Variants in AKR1C3 observed in about 807,000 individuals in gnomAD.
The protein encoded by AKR1C3 is aldo-keto reductase family 1 member C3.
Under a neutral mutation model 43.6 loss-of-function variants are expected in AKR1C3, and 48 were observed. The observed-to-expected ratio is 1.10, with a 90% CI of 0.87 to 1.40. The LOEUF is 1.40. AKR1C3 is among the 40% of genes most tolerant of loss of function. AKR1C3 has a pLI of 0.00. For missense variants in AKR1C3, 482 were observed against 391.2 expected (o/e 1.23, Z -1.96); for synonymous variants, 162 against 139.6 (o/e 1.16, Z -1.13).
intron 1 of AKR1C3, among the ~76,000 whole-genome samples, chr10:5,061,159 G>A (rs567924357): frequency 1.7e-3 from 260 of 152,328 alleles, no homozygotes; most frequent in African/African-American, 5.9e-3. Context: ...AGGAGGCACC[G>A]AGAGTGAGCG....
chr10:5,049,412 T>A (rs971804149), intron 1 of AKR1C3, among the ~76,000 whole-genome samples: 5 of 152,122 alleles, frequency 3.3e-5, no homozygotes, highest in Non-Finnish European at 7.4e-5. Context: ...TAAAGAGAAT[T>A]TCCCATGTAC....
chr10:5,088,930 G>A (rs1554783650), intron 1 of AKR1C3, among the ~76,000 whole-genome samples: 1 of 151,682 alleles, frequency 6.6e-6, no homozygotes, highest in Non-Finnish European at 1.5e-5. Flanking sequence ...CTTTTATGAT[G>A]GTATCATAAT....
chr10:5,102,272 G>A, intron 6 of AKR1C3, 62 bp downstream of exon 6: 1 of 1,578,866 alleles, frequency 6.3e-7, no homozygotes, highest in South Asian at 1.1e-5. Flanking sequence ...TTTAGTCAGA[G>A]CATCCTCAGT....
Position 5,087,448 on chromosome 10 carries a change from C to T in AKR1C3, c.85-8962C>T, listed in dbSNP as rs564602098. On this transcript the variant is annotated intron_variant, in intron 1 of 8. Transcript: ENST00000439082. ...AGGGCAGTGGGGCAATCTCAGCTCA[C>T]TGAAACCTTGACCTCCCAGGTTCAA... 2.9e-4 allele frequency among the ~76,000 whole-genome samples: 43 copies of T among 149,810 alleles called. No homozygotes were observed. The South Asian group carries it at 8.6e-3, about 30-fold the overall frequency.
intron 1 of AKR1C3, among the ~76,000 whole-genome samples, chr10:5,059,956 G>C (rs1052205574): frequency 1.3e-5 from 2 of 152,108 alleles, no homozygotes; most frequent in African/African-American, 4.8e-5. Flanking sequence ...TTTTCCTTCT[G>C]ATGTTTGGAT....
At chr10:5,080,281 A>G (rs1838805143) in intron 1 of AKR1C3, among the ~76,000 whole-genome samples, 1 of 152,158 alleles carries the variant, frequency 6.6e-6, no homozygotes, top group South Asian at 2.1e-4. Context: ...TCCTTGTGCA[A>G]GTATACTTAC....
intron 1 of AKR1C3, chr10:5,081,890 G>A (rs1554782388): frequency 6.6e-6 from 1 of 152,188 alleles, no homozygotes. Context: ...AAACCAGTGA[G>A]CTCCTGATTT....
intron 1 of AKR1C3, among the ~76,000 whole-genome samples, chr10:5,076,008 A>G (rs1838709647): frequency 6.6e-6 from 1 of 152,178 alleles, no homozygotes; most frequent in South Asian, 2.1e-4. Context: ...GAGCTATTCA[A>G]ATCCCAGTTG....
At chr10:5,094,809 C>T (rs1319659514) in intron 1 of AKR1C3, among the ~76,000 whole-genome samples, 1 of 152,152 alleles carries the variant, frequency 6.6e-6, no homozygotes, top group Non-Finnish European at 1.5e-5. Context: ...TTGAAGAACA[C>T]TGTTGGTCAT....
chr10:5,063,249 A>C (rs1554780415), intron 1 of AKR1C3, among the ~76,000 whole-genome samples: 1 of 152,222 alleles, frequency 6.6e-6, no homozygotes, highest in East Asian at 1.9e-4. Flanking sequence ...TGTGAAGTGG[A>C]ATAAAAACCT....
rs1839287829 is a variant in AKR1C3 at position 5,099,185 on chromosome 10, G to T, written c.448-142G>T. The T allele has an allele frequency of 7.6e-5, 107 of 1,412,512 alleles. 1 individual carries two copies. In the South Asian group the frequency reaches 1.4e-3, roughly 19 times the overall value. 87.5% of individuals were successfully genotyped at this position (1,412,512 alleles called of 1,614,324 possible). The stretch of plus-strand genomic sequence containing the variant: ...TATCTTCTTCCCCTATTTGCTGTTT[G>T]AATTTTTCTTTTTTTGACAATCACT... On this transcript the variant is annotated intron_variant, in intron 4 of 8. Transcript: ENST00000380554.
At chr10:5,092,483 C>CTTT (rs35143522), upstream of AKR1C3, among the ~76,000 whole-genome samples, 96 of 134,382 alleles carry the variant, frequency 7.1e-4, 1 homozygote, top group Middle Eastern at 3.8e-3. Flanking sequence ...TCTCTTTACT[C>CTTT]TTTTTTTTTT....
At chr10:5,080,574 A>G (rs1588344219) in intron 1 of AKR1C3, among the ~76,000 whole-genome samples, 2 of 152,174 alleles carry the variant, frequency 1.3e-5, no homozygotes, top group Admixed American at 6.5e-5. Flanking sequence ...CAGTAAGCTG[A>G]GATTGTACCA....
At chr10:5,076,608 TC>T (rs781941298) in intron 1 of AKR1C3, among the ~76,000 whole-genome samples, 43 of 152,222 alleles carry the variant, frequency 2.8e-4, no homozygotes, top group Non-Finnish European at 4.6e-4. Flanking sequence ...GGTGAAATTT[TC>T]CTGTTGTCTT....
rs144966000 is a variant in AKR1C3, at chr10:5,074,852, T to C, written c.85-21558T>C. Reference sequence around the variant, plus strand: ...CGGTCACCCCACAGACACAAATGCATTTCCGATTGTTCACCTACCCCATTT... The same window carrying C: ...CGGTCACCCCACAGACACAAATGCACTTCCGATTGTTCACCTACCCCATTT... On this transcript the variant is annotated intron_variant, in intron 1 of 8. Transcript: ENST00000439082. Among the ~76,000 whole-genome samples the C allele has an allele frequency of 3.8e-3, 584 of 152,264 alleles. 6 individuals are homozygous for C. Among genetic ancestry groups the C allele is most frequent in the African/African-American group, 0.013 (555 of 41,552 alleles).
In AKR1C3 at chr10:5,107,668, TTTTATC is replaced by T. The variant is rs1554787570; in HGVS notation, c.*166_*171del. ...TCCATAGGCCAGAAAGACAATAAAT[TTTTATC>T]ATTTTGAAATAATTGAATGTTTTCT... On this transcript the variant is annotated 3_prime_UTR_variant, in exon 9 of 9. Coordinates refer to ENST00000380554, the MANE Select transcript of AKR1C3 (RefSeq NM_003739.6). 1.6e-5 allele frequency: 9 copies of T among 566,514 alleles called. No individual in the cohort carries two copies. Among genetic ancestry groups the T allele is most frequent in the African/African-American group, 1.6e-4 (8 of 50,984 alleles). 35.1% of individuals were successfully genotyped at this position (566,514 alleles called of 1,614,324 possible).
chr10:5,089,349 T>C (rs1839036969), intron 1 of AKR1C3, among the ~76,000 whole-genome samples: 1 of 133,524 alleles, frequency 7.5e-6, no homozygotes. Flanking sequence ...TCAAACTTCT[T>C]ACTTCTCTTC....
At position 5,068,903 on chromosome 10, in the gene AKR1C3, G is replaced by A. The variant is rs557998602; in HGVS notation, c.84+20008G>A. 2.0e-5 allele frequency among the ~76,000 whole-genome samples: 3 copies of A among 152,376 alleles called. No individual in the cohort carries two copies. In the South Asian group the frequency reaches 6.2e-4, roughly 32 times the overall value. ...TTCAAACACCAAAGAAGCAGTTTAT[G>A]ACCTTAAAGCATTTAGCAAACCTAA... On this transcript the variant is annotated intron_variant, in intron 1 of 8. Coordinates refer to the AKR1C3 transcript ENST00000439082.
chr10:5,096,547 GAAGA>G lies in AKR1C3; in HGVS notation c.223_226del (p.Lys75GlufsTer28). 2 of 1,613,768 alleles carry G rather than the reference GAAGA, an allele frequency of 1.2e-6. No homozygotes were observed. The highest frequency in any genetic ancestry group is 1.7e-6 in the Non-Finnish European group (2 of 1,179,742). On this transcript the variant is annotated frameshift_variant, in exon 2 of 9. Coordinates refer to ENST00000380554, the MANE Select transcript of AKR1C3 (RefSeq NM_003739.6). LOFTEE classifies it high-confidence loss of function. ...GAAGCAAGATTGCAGATGGCAGTGTGAAGAGAGAAGACATATTCTACACTTCAAA... is the reference window on the plus strand; with the variant it reads ...GAAGCAAGATTGCAGATGGCAGTGTGGAGAAGACATATTCTACACTTCAAA...
Sources: allele counts gnomAD v4.1 joint callset (sites outside exome capture counted in the v4.1 genomes callset), GRCh38; gene constraint gnomAD v4.1.1; transcripts MANE v1.5; gene names NCBI Gene and HGNC (gene_info 2026-07-23, HGNC 2026-07-21).